The following PATL1 variants were observed in gnomAD, a reference collection of about 807,000 sequenced individuals.
PATL1 encodes the protein protein PAT1 homolog 1.
In PATL1, 32 loss-of-function variants were observed where a neutral mutation model predicts 100.6. The observed-to-expected ratio is 0.32, with a 90% confidence interval of 0.24 to 0.43. The LOEUF (loss-of-function observed/expected upper bound fraction) is 0.43. Among genes scored for constraint, PATL1 ranks in the 20% least tolerant of loss-of-function variants. The pLI, the probability that PATL1 is intolerant of heterozygous loss-of-function variation, is 1.00. For missense variants in PATL1, 747 were observed against 949.9 expected (o/e 0.79, Z 2.81); for synonymous variants, 332 against 330.0 (o/e 1.01, Z -0.07).
In PATL1 at chr11:59,654,084, G is replaced by A. The variant is rs775304440; in HGVS notation, c.1032-12C>T. 14 of 1,603,884 alleles carry A rather than the reference G, an allele frequency of 8.7e-6. 1 individual carries two copies. The East Asian group carries it at 1.3e-4, about 15-fold the overall frequency. Reference sequence around the variant, plus strand: ...TTGGGGCCTGAGATCTAAGAAAAACGGAAAAGAGGTTCTCAGTTTGGTCAT... The same window carrying A: ...TTGGGGCCTGAGATCTAAGAAAAACAGAAAAGAGGTTCTCAGTTTGGTCAT... On this transcript the variant is annotated splice_polypyrimidine_tract_variant and intron_variant, in intron 8 of 18. Transcript: ENST00000300146.
rs1412728753 is a variant in PATL1, at chr11:59,652,588, C to T, written c.1303-1G>A. On this transcript the variant is annotated splice_acceptor_variant, in intron 10 of 18. Transcript: ENST00000300146. LOFTEE classifies it high-confidence loss of function. ...GTTTCTCCAGTTTTTCAAAGTAATT[C>T]TACCACGAGAAGATGATTTCAGTTG... The T allele has an allele frequency of 6.2e-7, 1 of 1,613,208 alleles. No individual in the cohort carries two copies.
intron 9 of PATL1, among the ~76,000 whole-genome samples, chr11:59,653,418 G>A (rs1021673084): frequency 5.9e-5 from 9 of 152,116 alleles, no homozygotes; most frequent in Non-Finnish European, 1.3e-4. Flanking sequence ...ATTTAGCTCT[G>A]AAGTCTACAT....
rs1861584761 is a variant in PATL1, at chr11:59,658,922, T to C, written c.370A>G (p.Ser124Gly). ...AGAACTTCAGATCCATCCCAGATAC[T>C]GGAATTCAGACTTCCTGGTTGGGGC... ...LQPQPGSLNSSIWDGSEVLRR... is the reference protein window; with the variant it reads ...LQPQPGSLNSGIWDGSEVLRR... Residue 124 changes from serine (S) to glycine (G), a missense_variant, in exon 4 of 19, where the codon AGT becomes GGT. Transcript: ENST00000300146. 1 of 1,550,324 alleles carries C rather than the reference T, an allele frequency of 6.5e-7. No homozygotes were observed. The highest frequency in any genetic ancestry group is 1.4e-5 in the African/African-American group (1 of 73,064).
intron 15 of PATL1, among the ~76,000 whole-genome samples, chr11:59,645,807 A>G (rs1861356619): frequency 6.6e-6 from 1 of 152,214 alleles, no homozygotes; most frequent in Non-Finnish European, 1.5e-5. Flanking sequence ...ACAGGACTCT[A>G]GTAATCTATT....
At chr11:59,642,756 A>ATG in intron 16 of PATL1, 124 bp downstream of exon 16, 1 of 1,047,554 alleles carries the variant, frequency 9.5e-7, no homozygotes, top group Non-Finnish European at 1.4e-6. Flanking sequence ...TAGGAGCTTA[A>ATG]TGTAACTCTT....
chr11:59,658,524 T>C (rs921156995), intron 4 of PATL1, among the ~76,000 whole-genome samples: 3 of 152,152 alleles, frequency 2.0e-5, no homozygotes, highest in African/African-American at 7.2e-5. Context: ...GGTTTCACCA[T>C]GTTGGCCAGG....
intron 15 of PATL1, among the ~76,000 whole-genome samples, chr11:59,644,226 C>T (rs1475174383): frequency 1.3e-5 from 2 of 152,156 alleles, no homozygotes; most frequent in Non-Finnish European, 2.9e-5. Context: ...AATCTATGTT[C>T]CTTCTGTATC....
chr11:59,656,066 A>AG lies in PATL1; in HGVS notation c.724-22_724-21insC. On this transcript the variant is annotated intron_variant, in intron 6 of 18. Transcript: ENST00000300146. ...GAGTTCTAAGGTAAAAAAAAAAAAA[A>AG]AAAAAAGAATATGCTATAAAACAGG... 2.2e-6 allele frequency: 3 copies of AG among 1,371,870 alleles called. No homozygotes were observed. In the East Asian group the frequency reaches 7.7e-5, roughly 35 times the overall value. The allele number at this position is 1,371,870 out of a possible 1,614,324, so 85.0% of individuals were successfully genotyped here. A position where few individuals can be genotyped will look rare whatever the true frequency, so the allele number is the denominator to read the frequency against.
chr11:59,647,215 TC>T (rs1253292222), intron 15 of PATL1, among the ~76,000 whole-genome samples: 1 of 118,380 alleles, frequency 8.4e-6, no homozygotes, highest in Non-Finnish European at 1.7e-5. Flanking sequence ...AGAGCAAAAC[TC>T]TGTCTCAAAA....
Position 59,657,665 on chromosome 11 carries a change from T to C in PATL1, c.486A>G (p.Pro162=), listed in dbSNP as rs1861555224. The part of the protein sequence containing the change: ...YALPQRPPQG[P]EDDRDLSERA... ...GTTCAGAAAGGTCCCGATCATCTTCTGGACCCTGGGGGGGCCTCTGAGGCA... is the reference window on the plus strand; with the variant it reads ...GTTCAGAAAGGTCCCGATCATCTTCCGGACCCTGGGGGGGCCTCTGAGGCA... The change falls in exon 5 of 19, where the codon CCA becomes CCG. Residue 162 remains proline (P), a synonymous_variant. Coordinates refer to ENST00000300146, the MANE Select transcript of PATL1 (RefSeq NM_152716.3). 1 of 1,613,792 alleles carries C rather than the reference T, an allele frequency of 6.2e-7. No individual in the cohort carries two copies. Among genetic ancestry groups the C allele is most frequent in the South Asian group, 1.1e-5 (1 of 91,084 alleles).
chr11:59,653,533 G>A (rs1411908749), intron 9 of PATL1, among the ~76,000 whole-genome samples: 1 of 151,944 alleles, frequency 6.6e-6, no homozygotes. Flanking sequence ...AGACCCAATA[G>A]AAAAAAATGT....
chr11:59,639,271 G>T, intron 17 of PATL1, 21 bp downstream of exon 17: 1 of 1,561,260 alleles, frequency 6.4e-7, no homozygotes. Context: ...TAAAATAAGA[G>T]AAGAAACAGT....
chr11:59,649,267 CT>C (rs1337764290), intron 14 of PATL1, among the ~76,000 whole-genome samples, 194 bp downstream of exon 14: 4 of 151,664 alleles, frequency 2.6e-5, no homozygotes, highest in Admixed American at 6.6e-5. Flanking sequence ...AGGATAAAGA[CT>C]TTTTTTTTCT....
intron 15 of PATL1, 46 bp downstream of exon 15, chr11:59,647,708 C>T (rs953024470): frequency 6.3e-7 from 1 of 1,584,054 alleles, no homozygotes; most frequent in Non-Finnish European, 8.6e-7. Context: ...GAAATCTTAT[C>T]ACTTATAAAG....
At chr11:59,645,784 G>C (rs183602656) in intron 15 of PATL1, among the ~76,000 whole-genome samples, 15 of 152,208 alleles carry the variant, frequency 9.9e-5, no homozygotes, top group South Asian at 4.2e-4. Flanking sequence ...AAGTTGGTTT[G>C]TGTATCCTTT....
intron 16 of PATL1, among the ~76,000 whole-genome samples, chr11:59,640,564 C>G (rs968234782): frequency 1.4e-5 from 2 of 147,652 alleles, no homozygotes; most frequent in African/African-American, 5.0e-5. Context: ...CTAAAAAATA[C>G]AAAAAATTAG....
At chr11:59,653,945 G>A (rs1590700355) in intron 9 of PATL1, 38 bp downstream of exon 9, 1 of 1,540,572 alleles carries the variant, frequency 6.5e-7, no homozygotes, top group Non-Finnish European at 9.0e-7. Flanking sequence ...ATTAAAAGCT[G>A]AATTAAGAAG....
chr11:59,657,418 T>G, intron 5 of PATL1, 112 bp downstream of exon 5: 1 of 1,035,504 alleles, frequency 9.7e-7, no homozygotes, highest in Admixed American at 2.8e-5. Flanking sequence ...TTTTTCTTTC[T>G]AATCTAATGC....
intron 2 of PATL1, among the ~76,000 whole-genome samples, chr11:59,662,693 G>T (rs552410068): frequency 6.6e-6 from 1 of 151,884 alleles, no homozygotes; most frequent in Non-Finnish European, 1.5e-5. Flanking sequence ...CTGAATTGAG[G>T]GATTTGTAAA....
Sources: gnomAD v4.1 joint callset for allele counts (sites outside exome capture counted in the v4.1 genomes callset) on GRCh38, gnomAD v4.1.1 for gene constraint, MANE v1.5 for transcripts, NCBI Gene and HGNC (gene_info 2026-07-23, HGNC 2026-07-21) for gene names.